COL23A1: variants seen among roughly 807,000 people sequenced by gnomAD.
COL23A1 encodes the protein collagen alpha-1(XXIII) chain.
In COL23A1, 97 loss-of-function variants were observed where a neutral mutation model predicts 99.3. The observed-to-expected ratio is 0.98, with a 90% CI of 0.83 to 1.16. The LOEUF (loss-of-function observed/expected upper bound fraction) is 1.16. COL23A1 is among the 50% of genes most tolerant of loss of function. COL23A1 has a pLI of 0.00. For missense variants in COL23A1, 762 were observed against 757.4 expected, an observed-to-expected ratio of 1.01 and a Z score of -0.07; for synonymous variants, 320 against 308.2, an observed-to-expected ratio of 1.04 and a Z score of -0.40.
intron 2 of COL23A1, among the ~76,000 whole-genome samples, chr5:178,505,696 T>C (rs931649330): frequency 6.6e-6 from 1 of 152,122 alleles, no homozygotes; most frequent in Non-Finnish European, 1.5e-5. Flanking sequence ...TCAGCATCTT[T>C]TTGAAGGGGC....
chr5:178,493,094 C>CGAA (rs1758015816), intron 2 of COL23A1, among the ~76,000 whole-genome samples: 1 of 152,214 alleles, frequency 6.6e-6, no homozygotes, highest in Admixed American at 6.5e-5. Flanking sequence ...CTCTGACTAG[C>CGAA]TATTCCTGTT....
chr5:178,543,658 G>C (rs972168910), intron 2 of COL23A1, among the ~76,000 whole-genome samples: 1 of 152,102 alleles, frequency 6.6e-6, no homozygotes, highest in Non-Finnish European at 1.5e-5. Context: ...CAGTACACCT[G>C]GGCCTGCATC....
intron 2 of COL23A1, among the ~76,000 whole-genome samples, chr5:178,557,774 T>C (rs905364867): frequency 6.6e-6 from 1 of 152,074 alleles, no homozygotes; most frequent in African/African-American, 2.4e-5. Flanking sequence ...AGGAATGAGT[T>C]AGGACTTCTG....
intron 5 of COL23A1, among the ~76,000 whole-genome samples, chr5:178,271,095 C>T (rs1756260698): frequency 6.6e-6 from 1 of 152,178 alleles, no homozygotes; most frequent in African/African-American, 2.4e-5. Context: ...CTCCAGGCCC[C>T]CTGCAGAGTC....
rs1395297722 is a variant in COL23A1 at position 178,416,583 on chromosome 5, C to G, written c.362-109664G>C. Among the ~76,000 whole-genome samples the G allele has an allele frequency of 2.0e-5, 3 of 152,204 alleles. No homozygotes were observed. In the East Asian group the frequency reaches 5.8e-4, roughly 29 times the overall value. Reference sequence around the variant, plus strand: ...TATTCAGCAGACAGGATTAACCATACCCATGCCTATTTTAAAATCATTTGT... The same window carrying G: ...TATTCAGCAGACAGGATTAACCATAGCCATGCCTATTTTAAAATCATTTGT... On this transcript the variant is annotated intron_variant, in intron 2 of 28. Coordinates refer to ENST00000390654, the MANE Select transcript of COL23A1 (RefSeq NM_173465.4).
Position 178,257,564 on chromosome 5 carries a change from C to T in COL23A1, c.733G>A (p.Asp245Asn), listed in dbSNP as rs777624302. 1.0e-5 allele frequency: 16 copies of T among 1,558,700 alleles called. No individual in the cohort carries two copies. The highest frequency in any genetic ancestry group is 7.1e-5 in the South Asian group (6 of 84,494). The change falls in exon 13 of 29, where the codon GAC becomes AAC. Residue 245 changes from aspartate to asparagine, a missense_variant. Transcript: ENST00000390654. ...GEPGVPGKKGDDGTPSQPGPP... is the reference protein window; with the variant it reads ...GEPGVPGKKGNDGTPSQPGPP... The stretch of plus-strand genomic sequence containing the variant: ...CCAGGCTGGCTTGGTGTCCCATCGT[C>T]GCCCTGAGGAGAGGACACCTGGGGC...
chr5:178,326,677 TTCA>T (rs2127637420), intron 2 of COL23A1, among the ~76,000 whole-genome samples: 1 of 152,346 alleles, frequency 6.6e-6, no homozygotes, highest in South Asian at 2.1e-4. Context: ...CACCTCATCA[TTCA>T]TCCATTTCTC....
rs770619264 is a variant in COL23A1 at position 178,560,714 on chromosome 5, C to T, written c.329G>A (p.Arg110Gln). Residue 110 changes from arginine to glutamine, a missense_variant, in exon 2 of 29, where the codon CGG (arginine) becomes CAG (glutamine). Arg to Gln is a conservative substitution (Grantham distance 43). Transcript: ENST00000390654. ...LDGLAKIRTAREAPSECVCPP... is the reference protein window; with the variant it reads ...LDGLAKIRTAQEAPSECVCPP... The stretch of plus-strand genomic sequence containing the variant: ...GCAGACACATTCGGATGGAGCTTCC[C>T]GAGCAGTCCGGATCTTCGCTAGTCC... 1.9e-6 allele frequency: 3 copies of T among 1,612,546 alleles called. No homozygotes were observed. The highest frequency in any genetic ancestry group is 2.5e-6 in the Non-Finnish European group (3 of 1,179,672).
chr5:178,270,445 A>G, intron 5 of COL23A1, 82 bp from the exon 6 acceptor site: 1 of 1,542,638 alleles, frequency 6.5e-7, no homozygotes. Flanking sequence ...TGCACTATTC[A>G]GTGACAAGAA....
At chr5:178,552,390 C>G (rs1001108523) in intron 2 of COL23A1, among the ~76,000 whole-genome samples, 13 of 152,184 alleles carry the variant, frequency 8.5e-5, no homozygotes, top group Admixed American at 5.9e-4. Flanking sequence ...CCCAAAAAAT[C>G]AGACACACAA....
chr5:178,254,885 G>A lies in COL23A1; in HGVS notation c.960+64C>T, dbSNP rs185417751. 1.8e-4 allele frequency: 250 copies of A among 1,363,522 alleles called. No homozygotes were observed. The African/African-American group carries it at 3.1e-3, about 17-fold the overall frequency. The allele number at this position is 1,363,522 out of a possible 1,614,324, so 84.5% of individuals were successfully genotyped here. On this transcript the variant is annotated intron_variant, in intron 16 of 28. Coordinates refer to ENST00000390654, the MANE Select transcript of COL23A1 (RefSeq NM_173465.4). ...AAAAGTGCAGGATTAATCACAAAGG[G>A]AGTGATTATTCCCTAAGGAAAAATC...
chr5:178,317,544 T>C (rs1759045636), intron 2 of COL23A1, among the ~76,000 whole-genome samples: 1 of 152,246 alleles, frequency 6.6e-6, no homozygotes, highest in Admixed American at 6.5e-5. Context: ...TTACCTTTTG[T>C]TGGAGGTATG....
chr5:178,405,560 T>C (rs1285592238), intron 2 of COL23A1, among the ~76,000 whole-genome samples: 1 of 152,174 alleles, frequency 6.6e-6, no homozygotes, highest in Admixed American at 6.5e-5. Context: ...TACCCAAATG[T>C]GACATGCAAT....
rs1554159466 is a variant in COL23A1, at chr5:178,403,119, A to AAT, written c.362-96201_362-96200insAT. Among the ~76,000 whole-genome samples the AAT allele has an allele frequency of 2.8e-3, 303 of 108,368 alleles. 17 individuals are homozygous for AAT. The highest frequency in any genetic ancestry group is 0.02 in the East Asian group (67 of 3,284). The allele number at this position is 108,368 out of a possible 152,430, so 71.1% of individuals were successfully genotyped here. A position where few individuals can be genotyped will look rare whatever the true frequency, so the allele number is the denominator to read the frequency against. On this transcript the variant is annotated intron_variant, in intron 2 of 28. Coordinates refer to ENST00000390654, the MANE Select transcript of COL23A1 (RefSeq NM_173465.4). ...GAGAGACTCCATCTCAAAAAAAAAA[A>AAT]AAATAAATAAATAAAAAATAAATAC...
intron 2 of COL23A1, among the ~76,000 whole-genome samples, chr5:178,363,169 T>A (rs1762266121): frequency 6.6e-6 from 1 of 151,212 alleles, no homozygotes; most frequent in Non-Finnish European, 1.5e-5. Flanking sequence ...TTTTAGGGAG[T>A]CAGACAACAT....
At chr5:178,535,235 AAGTGCTGGGATTACAGGCGTG>A (rs1760873427) in intron 2 of COL23A1, among the ~76,000 whole-genome samples, 1 of 152,090 alleles carries the variant, frequency 6.6e-6, no homozygotes, top group Non-Finnish European at 1.5e-5. Flanking sequence ...CAGCCTCCCA[AAGTGCTGGGATTACAGGCGTG>A]AGCCACCGTG....
rs185656492 is a variant in COL23A1 at position 178,321,864 on chromosome 5, G to T, written c.362-14945C>A. ...TACGTTTACTCTGTCACCCAGGCCG[G>T]AGTACAGTGGCACGATCTTGGCTCA... On this transcript the variant is annotated intron_variant, in intron 2 of 28. Transcript: ENST00000390654. 7.4e-3 allele frequency among the ~76,000 whole-genome samples: 1,128 copies of T among 151,866 alleles called. 11 individuals carry two copies. Among genetic ancestry groups the T allele is most frequent in the African/African-American group, 0.026 (1,084 of 41,372 alleles).
intron 2 of COL23A1, among the ~76,000 whole-genome samples, chr5:178,369,744 G>GCC (rs147443405): frequency 5.2e-5 from 7 of 134,226 alleles, no homozygotes; most frequent in Non-Finnish European, 9.0e-5. Context: ...ATGATTGTAA[G>GCC]GCCCCCCCAG....
intron 1 of COL23A1, among the ~76,000 whole-genome samples, chr5:178,577,602 C>G (rs1562106814): frequency 6.6e-6 from 1 of 152,208 alleles, no homozygotes; most frequent in Non-Finnish European, 1.5e-5. Context: ...CCTCCCAGAA[C>G]CCGCGCCTGC....
Sources: gnomAD v4.1 joint callset for allele counts (sites outside exome capture counted in the v4.1 genomes callset) on GRCh38, gnomAD v4.1.1 for gene constraint, MANE v1.5 for transcripts, NCBI Gene and HGNC (gene_info 2026-07-23, HGNC 2026-07-21) for gene names.